Variants in DLG1 observed in about 807,000 individuals in gnomAD.
DLG1 encodes the protein disks large homolog 1.
DLG1 carries 42 observed loss-of-function variants against 123.4 expected under a neutral mutation model. The ratio of observed to expected loss-of-function variants is 0.34; its 90% CI spans 0.27 to 0.44. The LOEUF (loss-of-function observed/expected upper bound fraction) is 0.44. Ranked by LOEUF, DLG1 falls within the 20% of genes least tolerant of loss-of-function variation. The pLI is 1.00. For synonymous variants in DLG1, 317 were observed against 356.2 expected, an observed-to-expected ratio of 0.89 and a Z score of 1.24; for missense variants, 942 against 1,082.6, an observed-to-expected ratio of 0.87 and a Z score of 1.82.
At chr3:197,122,511 ATTCATTG>A (rs1322523933) in intron 11 of DLG1, among the ~76,000 whole-genome samples, 1 of 152,156 alleles carries the variant, frequency 6.6e-6, no homozygotes, top group African/African-American at 2.4e-5. Flanking sequence ...AGGAAGTAAA[ATTCATTG>A]TTCACAGATG....
intron 2 of DLG1, 78 bp from the exon 3 acceptor site, chr3:197,296,555 C>T: frequency 1.5e-6 from 2 of 1,336,894 alleles, no homozygotes; most frequent in South Asian, 2.4e-5. Flanking sequence ...AATAATTCTG[C>T]ATGACATCTA....
intron 5 of DLG1, chr3:197,183,448 A>G (rs1577684707): frequency 1.2e-6 from 1 of 848,956 alleles, no homozygotes; most frequent in East Asian, 2.7e-5. Flanking sequence ...TGGACAGAAA[A>G]CATACATTTC....
intron 5 of DLG1, among the ~76,000 whole-genome samples, chr3:197,155,881 T>G (rs1461326950): frequency 6.6e-6 from 1 of 152,108 alleles, no homozygotes; most frequent in African/African-American, 2.4e-5. Context: ...CCCAAGAGGT[T>G]GAGGCTGCAG....
At chr3:197,109,072 C>T (rs1337093935) in intron 13 of DLG1, among the ~76,000 whole-genome samples, 1 of 152,094 alleles carries the variant, frequency 6.6e-6, no homozygotes, top group African/African-American at 2.4e-5. Context: ...AAATTTAAAG[C>T]CAGATGTGGT....
chr3:197,135,464 C>T (rs1308899835), intron 10 of DLG1, among the ~76,000 whole-genome samples: 1 of 152,130 alleles, frequency 6.6e-6, no homozygotes, highest in Non-Finnish European at 1.5e-5. Context: ...GTTTGCTTTC[C>T]CCCACCCTCC....
intron 4 of DLG1, among the ~76,000 whole-genome samples, chr3:197,250,366 G>A (rs942409172): frequency 3.3e-5 from 5 of 151,996 alleles, no homozygotes; most frequent in Admixed American, 6.6e-5. Flanking sequence ...TCAGGAGTTC[G>A]AGACCAGCCT....
intron 10 of DLG1, among the ~76,000 whole-genome samples, chr3:197,132,296 T>G (rs1230433583): frequency 1.3e-5 from 2 of 152,224 alleles, no homozygotes; most frequent in East Asian, 3.9e-4. Context: ...TGATACATTT[T>G]TTTTTTTTGC....
At chr3:197,119,238 G>A (rs1431309395) in intron 12 of DLG1, among the ~76,000 whole-genome samples, 172 bp downstream of exon 12, 1 of 152,092 alleles carries the variant, frequency 6.6e-6, no homozygotes, top group Non-Finnish European at 1.5e-5. Flanking sequence ...AATAAAACAT[G>A]TATATTTCAG....
intron 15 of DLG1, 123 bp downstream of exon 15, chr3:197,090,789 A>C (rs1381847148): frequency 1.9e-5 from 10 of 526,144 alleles, no homozygotes; most frequent in African/African-American, 3.8e-5. Flanking sequence ...AATAATAAAA[A>C]ACAACACTGA....
chr3:197,291,371 T>G (rs561616484), intron 3 of DLG1, among the ~76,000 whole-genome samples: 4 of 150,380 alleles, frequency 2.7e-5, no homozygotes, highest in Admixed American at 2.6e-4. Flanking sequence ...GTAACATCAG[T>G]GGGACTAATA....
intron 5 of DLG1, among the ~76,000 whole-genome samples, chr3:197,187,696 CT>C (rs1716896761): frequency 6.6e-6 from 1 of 152,124 alleles, no homozygotes; most frequent in African/African-American, 2.4e-5. Context: ...ACATTTCAAA[CT>C]TTTTGGGAAA....
chr3:197,078,379 T>C (rs1475698247), intron 17 of DLG1: 1 of 151,812 alleles, frequency 6.6e-6, no homozygotes, highest in African/African-American at 2.4e-5. Flanking sequence ...TTCTATGACT[T>C]GAGAAGACTT....
At chr3:197,257,827 G>A (rs1198388261) in intron 4 of DLG1, among the ~76,000 whole-genome samples, 1 of 152,158 alleles carries the variant, frequency 6.6e-6, no homozygotes, top group Non-Finnish European at 1.5e-5. Context: ...AATCACTCTT[G>A]TTGGGCCTTT....
intron 3 of DLG1, among the ~76,000 whole-genome samples, chr3:197,288,697 G>A (rs1287441149): frequency 7.4e-6 from 1 of 135,728 alleles, no homozygotes; most frequent in Non-Finnish European, 1.5e-5. Flanking sequence ...CTCCAGCCTG[G>A]GCAACAAGAG....
intron 14 of DLG1, among the ~76,000 whole-genome samples, chr3:197,091,320 C>T (rs1439090208): frequency 1.3e-5 from 2 of 151,874 alleles, no homozygotes; most frequent in African/African-American, 4.8e-5. Flanking sequence ...CAGCAGTAAT[C>T]TTATATTACT....
At chr3:197,103,060 T>A in intron 14 of DLG1, among the ~76,000 whole-genome samples, 1 of 152,176 alleles carries the variant, frequency 6.6e-6, no homozygotes, top group South Asian at 2.1e-4. Context: ...CCAAACCACA[T>A]TATGAGTGAA....
intron 4 of DLG1, among the ~76,000 whole-genome samples, chr3:197,244,673 T>C (rs1289185546): frequency 6.6e-6 from 1 of 152,054 alleles, no homozygotes; most frequent in Admixed American, 6.6e-5. Context: ...GCGATGCTTT[T>C]TTGACTGGGG....
chr3:197,175,463 C>A (rs1406489853), intron 5 of DLG1, among the ~76,000 whole-genome samples: 1 of 152,180 alleles, frequency 6.6e-6, no homozygotes, highest in Non-Finnish European at 1.5e-5. Context: ...ATCTGAATTA[C>A]TTCTGAAATT....
intron 24 of DLG1, among the ~76,000 whole-genome samples, chr3:197,044,961 TTTC>T (rs1368564366): frequency 4.0e-5 from 6 of 151,552 alleles, no homozygotes; most frequent in Admixed American, 6.6e-5. Flanking sequence ...TTGGAGATCT[TTTC>T]TTTTGTTCTT....
Sources: gnomAD v4.1 joint callset for allele counts (sites outside exome capture counted in the v4.1 genomes callset) on GRCh38, gnomAD v4.1.1 for gene constraint, MANE v1.5 for transcripts, NCBI Gene and HGNC (gene_info 2026-07-23, HGNC 2026-07-21) for gene names.